Variants in TNIK observed in about 807,000 individuals in gnomAD.
TNIK encodes TRAF2 and NCK-interacting protein kinase.
TNIK carries 49 observed loss-of-function variants against 191.3 expected under a neutral mutation model. The observed-to-expected ratio is 0.26, with a 90% confidence interval of 0.20 to 0.32. The LOEUF is 0.32. TNIK is among the 10% of genes least tolerant of loss of function. TNIK has a pLI of 1.00. For missense variants in TNIK, 1,155 were observed against 1,702.3 expected (o/e 0.68, Z 5.66); for synonymous variants, 594 against 600.9 (o/e 0.99, Z 0.17).
chr3:171,246,240 A>G (rs992998361), intron 2 of TNIK, among the ~76,000 whole-genome samples: 2 of 152,118 alleles, frequency 1.3e-5, no homozygotes, highest in Non-Finnish European at 2.9e-5. Flanking sequence ...CTCCACAACC[A>G]TGAGTAATAA....
chr3:171,309,376 GAAC>G (rs1753784604), intron 2 of TNIK, among the ~76,000 whole-genome samples: 1 of 152,126 alleles, frequency 6.6e-6, no homozygotes, highest in East Asian at 1.9e-4. Context: ...ACAAAGAAGG[GAAC>G]AACAGACAAC....
intron 1 of TNIK, among the ~76,000 whole-genome samples, chr3:171,407,544 T>C (rs578216525): frequency 1.3e-5 from 2 of 152,302 alleles, no homozygotes; most frequent in East Asian, 3.9e-4. Context: ...TCCCAGCCCC[T>C]GTTCTAAGTT....
At position 171,101,561 on chromosome 3, in the gene TNIK, T is replaced by C. The variant is rs368910931; in HGVS notation, c.2479A>G (p.Thr827Ala). ...EETNRPMKKV[T>A]DYSSSSEESE... is the part of the protein sequence containing the mutation. ...TCCTCACTGGAGGAGGAGTAATCAG[T>C]CACCTTCTTCATTGGGCGGTTTGTT... is the stretch of plus-strand genomic sequence containing the variant. Residue 827 changes from threonine (T) to alanine (A), a missense_variant, in exon 22 of 33, where the codon ACT becomes GCT. Physicochemically the swap from Thr to Ala is moderately conservative, Grantham distance 58. Around this residue, in one of 3 missense-constraint regions of TNIK, gnomAD observed 735 missense variants for 848.0 expected, o/e 0.87. Coordinates refer to ENST00000436636, the MANE Select transcript of TNIK (RefSeq NM_015028.4). 19 of 1,613,392 alleles carry C rather than the reference T, an allele frequency of 1.2e-5. No individual in the cohort carries two copies. The highest frequency in any genetic ancestry group is 1.6e-4 in the Middle Eastern group (1 of 6,078).
At chr3:171,243,867 T>G (rs1038244191) in intron 2 of TNIK, among the ~76,000 whole-genome samples, 1 of 152,134 alleles carries the variant, frequency 6.6e-6, no homozygotes, top group Non-Finnish European at 1.5e-5. Flanking sequence ...TATGTGGTTT[T>G]AGGAAACATA....
intron 1 of TNIK, among the ~76,000 whole-genome samples, chr3:171,393,239 G>A (rs533270123): frequency 1.3e-5 from 2 of 152,160 alleles, no homozygotes; most frequent in East Asian, 1.9e-4. Context: ...CAAAACAGCC[G>A]CAGAAGCAAA....
At position 171,437,770 on chromosome 3, in the gene TNIK, G is replaced by A. The variant is rs9824991; in HGVS notation, c.57+22237C>T. Among the ~76,000 whole-genome samples, 1,022 of 152,314 alleles carry A rather than the reference G, an allele frequency of 6.7e-3. 16 individuals carry two copies. The highest frequency in any genetic ancestry group is 0.024 in the African/African-American group (988 of 41,560). On this transcript the variant is annotated intron_variant, in intron 1 of 32. Coordinates refer to ENST00000436636, the MANE Select transcript of TNIK (RefSeq NM_015028.4). ...AGGCCATGTTTGAACTTCATTTGAT[G>A]CCCTGTGTTAGAAAGAATCTTTCTT...
intron 2 of TNIK, among the ~76,000 whole-genome samples, chr3:171,298,899 T>C (rs1752598947): frequency 6.6e-6 from 1 of 152,248 alleles, no homozygotes; most frequent in African/African-American, 2.4e-5. Flanking sequence ...CTTCCCATGC[T>C]GATAGATGAG....
rs1010086557 is a variant in TNIK at position 171,086,629 on chromosome 3, A to G, written c.2886+713T>C. Among the ~76,000 whole-genome samples, 3 of 152,240 alleles carry G rather than the reference A, an allele frequency of 2.0e-5. No homozygotes were observed. In the East Asian group the frequency reaches 5.8e-4, roughly 29 times the overall value. On this transcript the variant is annotated intron_variant, in intron 24 of 32. Transcript: ENST00000436636. Reference sequence around the variant, plus strand: ...ATCATAAAAACTTAGTGTGTGGACAATGTCAAAAATAATAGTACATGTGCT... The same window carrying G: ...ATCATAAAAACTTAGTGTGTGGACAGTGTCAAAAATAATAGTACATGTGCT...
intron 2 of TNIK, among the ~76,000 whole-genome samples, chr3:171,288,674 G>A (rs1751330114): frequency 6.6e-6 from 1 of 152,048 alleles, no homozygotes; most frequent in African/African-American, 2.4e-5. Context: ...CTGGTGTGGT[G>A]GTGTGTGCCT....
chr3:171,290,226 G>T (rs11717747), intron 2 of TNIK, among the ~76,000 whole-genome samples: 3,292 of 152,266 alleles, frequency 0.022, 47 homozygotes, highest in Middle Eastern at 0.037. Context: ...AATACCTATG[G>T]TTGAATGATG....
chr3:171,406,384 G>T (rs751824292), intron 1 of TNIK, among the ~76,000 whole-genome samples: 7 of 152,076 alleles, frequency 4.6e-5, no homozygotes, highest in Non-Finnish European at 8.8e-5. Flanking sequence ...CATGCAGCAG[G>T]GCACCCTCCA....
rs568867732 is a variant in TNIK at position 171,388,763 on chromosome 3, C to G, written c.58-19078G>C. Among the ~76,000 whole-genome samples the G allele has an allele frequency of 3.9e-5, 6 of 152,338 alleles. No homozygotes were observed. The East Asian group carries it at 1.2e-3, about 29-fold the overall frequency. On this transcript the variant is annotated intron_variant, in intron 1 of 32. Coordinates refer to ENST00000436636, the MANE Select transcript of TNIK (RefSeq NM_015028.4). ...TTCCTAAATCCCATTTCCTCCTCCC[C>G]AGCAGAGCTTAGTTGCTTCTCCTTT...
intron 2 of TNIK, among the ~76,000 whole-genome samples, chr3:171,242,733 A>G (rs1230384545): frequency 6.6e-6 from 1 of 152,214 alleles, no homozygotes; most frequent in Non-Finnish European, 1.5e-5. Context: ...TAAACCACTG[A>G]TGGTAATTTA....
intron 5 of TNIK, among the ~76,000 whole-genome samples, chr3:171,193,481 C>T (rs1189567420): frequency 6.6e-6 from 1 of 152,098 alleles, no homozygotes; most frequent in Admixed American, 6.5e-5. Context: ...TTTAATATTT[C>T]TCAGTGATAT....
chr3:171,155,104 G>C (rs1054553755), intron 12 of TNIK, among the ~76,000 whole-genome samples: 2 of 152,220 alleles, frequency 1.3e-5, no homozygotes, highest in Non-Finnish European at 2.9e-5. Flanking sequence ...GGGTAGCTAA[G>C]TGGGAATGTT....
chr3:171,127,704 A>T (rs981044218), intron 16 of TNIK, among the ~76,000 whole-genome samples: 3 of 152,230 alleles, frequency 2.0e-5, no homozygotes, highest in Non-Finnish European at 2.9e-5. Flanking sequence ...TATACAAATT[A>T]AAAACAGCCA....
chr3:171,412,271 A>T (rs1296381764), intron 1 of TNIK, among the ~76,000 whole-genome samples: 1 of 152,202 alleles, frequency 6.6e-6, no homozygotes, highest in African/African-American at 2.4e-5. Flanking sequence ...TGACAGGTAC[A>T]CAGAGAGGAA....
Position 171,110,754 on chromosome 3 carries a change from AGGCTGGGAGCCTCCTTGGGAGCTG to A in TNIK, c.2220_2243del (p.Ser741_Pro748del), listed in dbSNP as rs763053806. 2.4e-5 allele frequency: 38 copies of A among 1,602,236 alleles called. No individual in the cohort carries two copies. The highest frequency in any genetic ancestry group is 3.1e-5 in the Non-Finnish European group (37 of 1,174,626). ...GTTCACTGGATCCTGCTTGTGATCC[AGGCTGGGAGCCTCCTTGGGAGCTG>A]GGCTGGGAGCTAGGGGTGCTGGAGC... is the stretch of plus-strand genomic sequence containing the variant. On this transcript the variant is annotated inframe_deletion, in exon 19 of 33. Transcript: ENST00000436636.
chr3:171,311,725 C>T (rs1028030428), intron 2 of TNIK, among the ~76,000 whole-genome samples: 1 of 152,096 alleles, frequency 6.6e-6, no homozygotes, highest in Admixed American at 6.5e-5. Flanking sequence ...TCCTGGCTTT[C>T]CCATTATTTT....
Sources: allele counts gnomAD v4.1 joint callset (sites outside exome capture counted in the v4.1 genomes callset), GRCh38; gene constraint gnomAD v4.1.1; regional missense constraint gnomAD v4.1.1; transcripts MANE v1.5; gene names NCBI Gene and HGNC (gene_info 2026-07-23, HGNC 2026-07-21).